The following CCDC171 variants were observed in gnomAD, a reference collection of about 807,000 sequenced individuals.
CCDC171 encodes coiled-coil domain-containing protein 171.
In CCDC171, 177 loss-of-function variants were observed where a neutral mutation model predicts 168.2. That is an observed-to-expected ratio of 1.05 (90% CI 0.93 to 1.19). The LOEUF is 1.19. Ranked by LOEUF, CCDC171 falls within the 50% of genes most tolerant of loss-of-function variation. CCDC171 has a pLI of 0.00. For synonymous variants in CCDC171, 687 were observed against 540.8 expected (o/e 1.27, Z -3.75); for missense variants, 1,991 against 1,539.0 (o/e 1.29, Z -4.91).
chr9:15,599,178 T>A (rs1423519273), intron 6 of CCDC171, among the ~76,000 whole-genome samples: 1 of 152,206 alleles, frequency 6.6e-6, no homozygotes, highest in Non-Finnish European at 1.5e-5. Flanking sequence ...TGTGTGAATT[T>A]GATCCTGTCA....
At chr9:15,903,446 C>T (rs1822015177) in intron 24 of CCDC171, among the ~76,000 whole-genome samples, 1 of 152,196 alleles carries the variant, frequency 6.6e-6, no homozygotes, top group African/African-American at 2.4e-5. Flanking sequence ...CTCCAGCAAA[C>T]TCCAACAGAC....
At chr9:15,979,666 C>CT (rs900020308) in intron 3 of CCDC171, among the ~76,000 whole-genome samples, 17 of 150,572 alleles carry the variant, frequency 1.1e-4, no homozygotes, top group East Asian at 7.8e-4. Context: ...GGTATGTAAT[C>CT]TTTTTTTTTC....
intron 18 of CCDC171, among the ~76,000 whole-genome samples, chr9:15,770,330 G>A (rs1227436279): frequency 6.6e-6 from 1 of 152,116 alleles, no homozygotes; most frequent in Admixed American, 6.5e-5. Flanking sequence ...GAAATGTCCT[G>A]TCTTGTACTT....
intron 9 of CCDC171, among the ~76,000 whole-genome samples, chr9:15,675,867 G>A (rs868235326): frequency 5.9e-5 from 9 of 151,990 alleles, no homozygotes; most frequent in African/African-American, 1.9e-4. Context: ...TGTTCTTTTC[G>A]AGGAGTATCT....
chr9:15,963,889 A>G (rs146064429), intron 25 of CCDC171, among the ~76,000 whole-genome samples: 1 of 152,324 alleles, frequency 6.6e-6, no homozygotes, highest in Non-Finnish European at 1.5e-5. Flanking sequence ...AAGCTAAATT[A>G]GTTATATGAC....
chr9:16,023,934 G>A (rs1027637329), intron 6 of CCDC171, among the ~76,000 whole-genome samples: 3 of 147,068 alleles, frequency 2.0e-5, no homozygotes, highest in African/African-American at 7.6e-5. Context: ...CTTGACATGG[G>A]GAGATTATCC....
chr9:15,587,824 CAG>C, intron 4 of CCDC171: 1 of 262,574 alleles, frequency 3.8e-6, no homozygotes, highest in Non-Finnish European at 7.9e-6. Flanking sequence ...TTAGAAGAAA[CAG>C]AGGCTCTGCA....
chr9:15,691,743 T>A (rs907950093), intron 10 of CCDC171, among the ~76,000 whole-genome samples: 1 of 152,072 alleles, frequency 6.6e-6, no homozygotes, highest in African/African-American at 2.4e-5. Context: ...AGTGGCACAA[T>A]GATGCTCACT....
rs539362550 is a variant in CCDC171, at chr9:15,981,098, C to T, written n.369-39491C>T. On this transcript the variant is annotated intron_variant and non_coding_transcript_variant, in intron 3 of 9. Coordinates refer to the CCDC171 transcript ENST00000486641. ...CGAGAAAAGCCAGGAAAGACGTGCCCCCATGATTCAGTTACCTCCCACAAC... is the reference window on the plus strand; with the variant it reads ...CGAGAAAAGCCAGGAAAGACGTGCCTCCATGATTCAGTTACCTCCCACAAC... Among the ~76,000 whole-genome samples, 3 of 152,112 alleles carry T rather than the reference C, an allele frequency of 2.0e-5. No individual in the cohort carries two copies. The South Asian group carries it at 6.2e-4, about 32-fold the overall frequency.
chr9:15,821,864 C>A (rs1378027992), intron 21 of CCDC171, among the ~76,000 whole-genome samples: 1 of 127,036 alleles, frequency 7.9e-6, no homozygotes, highest in East Asian at 2.1e-4. Context: ...AAAAAAGAGC[C>A]CGCATCGCCA....
chr9:15,824,331 A>C (rs1266751869), intron 21 of CCDC171, among the ~76,000 whole-genome samples: 2 of 152,096 alleles, frequency 1.3e-5, no homozygotes, highest in African/African-American at 2.4e-5. Flanking sequence ...ATACATTTAC[A>C]TATGTATTAA....
rs76483438 is a variant in CCDC171 at position 15,727,152 on chromosome 9, A to G, written c.1693-717A>G. On this transcript the variant is annotated intron_variant, in intron 14 of 25. Coordinates refer to ENST00000380701, the MANE Select transcript of CCDC171 (RefSeq NM_173550.4). ...AAGTATGTAATGAGCAGCTATATCCATTTTTTTTTGCTGTTACTTTATAAT... is the reference window on the plus strand; with the variant it reads ...AAGTATGTAATGAGCAGCTATATCCGTTTTTTTTTGCTGTTACTTTATAAT... Among the ~76,000 whole-genome samples the G allele has an allele frequency of 1.0e-3, 152 of 151,088 alleles. 2 individuals are homozygous for G. Among genetic ancestry groups the G allele is most frequent in the African/African-American group, 3.4e-3 (139 of 41,252 alleles).
chr9:15,811,286 A>T (rs2059345570), intron 21 of CCDC171, among the ~76,000 whole-genome samples: 1 of 152,260 alleles, frequency 6.6e-6, no homozygotes, highest in East Asian at 1.9e-4. Flanking sequence ...GTGAAGGAAA[A>T]GTCCTTTGAA....
rs1220559854 is a variant in CCDC171, at chr9:15,642,332, CGT to C, written c.823-14784_823-14783del. On this transcript the variant is annotated intron_variant, in intron 7 of 25. Coordinates refer to ENST00000380701, the MANE Select transcript of CCDC171 (RefSeq NM_173550.4). ...GTATACACGTATATATATATATACA[CGT>C]GTGTGTGTGTATATATATATATATA... 5.2e-3 allele frequency among the ~76,000 whole-genome samples: 360 copies of C among 69,314 alleles called. 5 individuals carry two copies. The highest frequency in any genetic ancestry group is 0.019 in the African/African-American group (341 of 17,618). 45.5% of individuals were successfully genotyped at this position (69,314 alleles called of 152,430 possible).
chr9:15,985,298 G>T (rs1831951391), intron 3 of CCDC171, among the ~76,000 whole-genome samples: 1 of 152,050 alleles, frequency 6.6e-6, no homozygotes, highest in African/African-American at 2.4e-5. Context: ...TTCTTCCTAA[G>T]GTTCAAGTGC....
chr9:15,633,672 G>T (rs2045947360), intron 7 of CCDC171, among the ~76,000 whole-genome samples: 1 of 152,226 alleles, frequency 6.6e-6, no homozygotes, highest in East Asian at 1.9e-4. Flanking sequence ...TCCCATTACT[G>T]GGTATATACC....
intron 24 of CCDC171, among the ~76,000 whole-genome samples, chr9:15,900,638 T>C (rs368116533): frequency 3.9e-5 from 6 of 152,324 alleles, no homozygotes; most frequent in African/African-American, 9.6e-5. Context: ...CAATACAGAT[T>C]TCAATACCCT....
At chr9:15,914,844 G>A (rs896138449) in intron 24 of CCDC171, among the ~76,000 whole-genome samples, 12 of 152,124 alleles carry the variant, frequency 7.9e-5, no homozygotes, top group Admixed American at 1.3e-4. Flanking sequence ...TATCTGTGCC[G>A]GATAGCACCA....
intron 24 of CCDC171, among the ~76,000 whole-genome samples, chr9:15,896,080 G>A (rs1387090824): frequency 6.6e-6 from 1 of 151,764 alleles, no homozygotes; most frequent in Non-Finnish European, 1.5e-5. Flanking sequence ...TTTTTTCTAT[G>A]TAATTGTCCC....
Sources: allele counts gnomAD v4.1 joint callset (sites outside exome capture counted in the v4.1 genomes callset), GRCh38; gene constraint gnomAD v4.1.1; transcripts MANE v1.5; gene names NCBI Gene and HGNC (gene_info 2026-07-23, HGNC 2026-07-21).